The following HLA-B variants were observed in gnomAD, a reference collection of about 807,000 sequenced individuals.
The protein encoded by HLA-B is major histocompatibility complex, class I, B, also known as HLA class I antigen HLA-B.
Under a neutral mutation model 41.5 loss-of-function variants are expected in HLA-B, and 31 were observed. That is an observed-to-expected ratio of 0.75 (90% CI 0.56 to 1.01). HLA-B has a LOEUF of 1.01. Among genes scored for constraint, HLA-B ranks in the 50% least tolerant of loss-of-function variants. The pLI is 0.00. For synonymous variants in HLA-B, 138 were observed against 189.0 expected (o/e 0.73, Z 2.21); for missense variants, 369 against 457.2 (o/e 0.81, Z 1.76).
chr6:31,355,739 T>C (rs1232403763), intron 3 of HLA-B, 147 bp from the exon 4 acceptor site: 3 of 749,564 alleles, frequency 4.0e-6, no homozygotes, highest in Middle Eastern at 2.5e-4. Context: ...CGCAGGCACC[T>C]GGGATAATCT....
Position 31,354,646 on chromosome 6 carries a change from G to A in HLA-B, c.1032C>T (p.Tyr344=), listed in dbSNP as rs1766747807. 2 of 1,405,858 alleles carry A rather than the reference G, an allele frequency of 1.4e-6. No homozygotes were observed. The highest frequency in any genetic ancestry group is 4.2e-5 in the African/African-American group (2 of 48,090). The allele number at this position is 1,405,858 out of a possible 1,614,324, so 87.1% of individuals were successfully genotyped here. A position where few individuals can be genotyped will look rare whatever the true frequency, so the allele number is the denominator to read the frequency against. Residue 344 remains tyrosine, a synonymous_variant, in exon 6 of 8, where the codon TAC becomes TAT. Coordinates refer to ENST00000412585, the MANE Select transcript of HLA-B (RefSeq NM_005514.8). ...CCCACCACTTACACGCAGCCTGAGA[G>A]TAGCTCCCTCCTTTTCCACCTGTGG... The part of the protein sequence containing the change: ...RKSSGGKGGS[Y]SQAACSDSAQ...
intron 2 of HLA-B, 28 bp from the exon 3 acceptor site, chr6:31,356,470 T>TCCCCCGAGCCCCGCCCCAGCCCCCGTC: frequency 1.5e-6 from 1 of 682,850 alleles, no homozygotes. Context: ...GTCAGCCCAG[T>TCCCCCGAGCCCCGCCCCAGCCCCCGTC]CCCCCGAGCC....
chr6:31,356,773 C>T lies in HLA-B; in HGVS notation c.258G>A (p.Arg86=). The change falls in exon 2 of 8, where the codon CGG becomes CGA. Residue 86 remains arginine, a synonymous_variant. Transcript: ENST00000412585. ...CCTGGGCCTTGTAGATCTGTGTGTT[C>T]CGGTCCCAATACTCCGGCCCCTCCT... The part of the protein sequence containing the change: ...IEQEGPEYWD[R]NTQIYKAQAQ... 1.8e-6 allele frequency: 2 copies of T among 1,110,390 alleles called. 1 individual carries two copies. Among genetic ancestry groups the T allele is most frequent in the Non-Finnish European group, 2.4e-6 (2 of 838,300 alleles). 68.8% of individuals were successfully genotyped at this position (1,110,390 alleles called of 1,614,324 possible).
chr6:31,356,248 G>GTC lies in HLA-B; in HGVS notation c.537_538insGA (p.Arg180AspfsTer35), dbSNP rs200488894. On this transcript the variant is annotated frameshift_variant, in exon 3 of 8. Transcript: ENST00000412585. LOFTEE classifies it high-confidence loss of function. ...CACTCGCCCTCCAGGTAGGCTCTCCGCTGCTCCGCCTCACGGGCCGCCTCC... is the reference window on the plus strand; with the variant it reads ...CACTCGCCCTCCAGGTAGGCTCTCCGTCCTGCTCCGCCTCACGGGCCGCCTCC... 114,004 of 1,134,496 alleles carry GTC rather than the reference G, an allele frequency of 0.1. 12,045 individuals carry two copies. Among genetic ancestry groups the GTC allele is most frequent in the Non-Finnish European group, 0.11 (93,663 of 849,570 alleles). The allele number at this position is 1,134,496 out of a possible 1,614,324, so 70.3% of individuals were successfully genotyped here. A position where few individuals can be genotyped will look rare whatever the true frequency, so the allele number is the denominator to read the frequency against.
chr6:31,354,693 C>G (rs2442717), intron 5 of HLA-B, 28 bp from the exon 6 acceptor site: 806,519 of 1,033,636 alleles, frequency 0.78, 331,893 homozygotes, highest in South Asian at 0.93. Context: ...CCTGTGAGGG[C>G]ACTGGGAGGA....
intron 3 of HLA-B, 161 bp from the exon 4 acceptor site, chr6:31,355,753 A>G: frequency 2.8e-6 from 2 of 721,748 alleles, no homozygotes; most frequent in Non-Finnish European, 2.4e-6. Flanking sequence ...ATAATCTCCT[A>G]TTCATTGGAA....
Position 31,354,064 on chromosome 6 carries a change from C to T in HLA-B, c.*237G>A, listed in dbSNP as rs1307062218. ...AGACAGAGATGGAGACATCCAGCCC[C>T]ACCTCTCTGGAACAAGAAAGATGAC... On this transcript the variant is annotated 3_prime_UTR_variant, in exon 8 of 8. Coordinates refer to ENST00000412585, the MANE Select transcript of HLA-B (RefSeq NM_005514.8). 2.4e-5 allele frequency: 10 copies of T among 425,438 alleles called. No homozygotes were observed. Among genetic ancestry groups the T allele is most frequent in the African/African-American group, 1.8e-4 (9 of 49,208 alleles). The allele number at this position is 425,438 out of a possible 1,614,324, so 26.4% of individuals were successfully genotyped here. A position where few individuals can be genotyped will look rare whatever the true frequency, so the allele number is the denominator to read the frequency against.
intron 3 of HLA-B, chr6:31,355,959 T>C (rs41552112): frequency 2.3e-6 from 1 of 437,842 alleles, no homozygotes; most frequent in East Asian, 4.9e-5. Flanking sequence ...CTAGGGACTG[T>C]CTTCCCCTCC....
At position 31,354,106 on chromosome 6, in the gene HLA-B, G is replaced by A. The variant is rs1056429; in HGVS notation, c.*195C>T. 60,578 of 460,042 alleles carry A rather than the reference G, an allele frequency of 0.13. 4,654 individuals carry two copies. The highest frequency in any genetic ancestry group is 0.27 in the East Asian group (6,722 of 25,344). 28.5% of individuals were successfully genotyped at this position (460,042 alleles called of 1,614,324 possible). ...AAAGATGACTGGGGAGGAAACACAG[G>A]TCAGCATGGGAACAGGGGTCACAGT... On this transcript the variant is annotated 3_prime_UTR_variant, in exon 8 of 8. Transcript: ENST00000412585.
In HLA-B at chr6:31,354,191, C is replaced by T; in HGVS notation, c.*110G>A. ...CATTATGCTAACAGGGACGCAGACACATTCAGGTGCCTTTGCAGAAAGAGA... is the reference window on the plus strand; with the variant it reads ...CATTATGCTAACAGGGACGCAGACATATTCAGGTGCCTTTGCAGAAAGAGA... On this transcript the variant is annotated 3_prime_UTR_variant, in exon 8 of 8. Transcript: ENST00000412585. The T allele has an allele frequency of 6.7e-6, 4 of 593,926 alleles. No individual in the cohort carries two copies. The highest frequency in any genetic ancestry group is 4.9e-5 in the South Asian group (3 of 61,684). 36.8% of individuals were successfully genotyped at this position (593,926 alleles called of 1,614,324 possible).
chr6:31,356,785 C>A lies in HLA-B; in HGVS notation c.246G>T (p.Glu82Asp), dbSNP rs1050564. The A allele has an allele frequency of 8.8e-7, 1 of 1,135,508 alleles. No homozygotes were observed. Among genetic ancestry groups the A allele is most frequent in the Non-Finnish European group, 1.2e-6 (1 of 857,642 alleles). 70.3% of individuals were successfully genotyped at this position (1,135,508 alleles called of 1,614,324 possible). A position where few individuals can be genotyped will look rare whatever the true frequency, so the allele number is the denominator to read the frequency against. ...RAPWIEQEGP[E>D]YWDRNTQIYK... ...AGATCTGTGTGTTCCGGTCCCAATA[C>A]TCCGGCCCCTCCTGCTCTATCCACG... The change falls in exon 2 of 8, where the codon GAG (glutamate) becomes GAT (aspartate). Residue 82 changes from glutamate (E) to aspartate (D), a missense_variant. Transcript: ENST00000412585.
chr6:31,355,072 G>A, intron 5 of HLA-B, 35 bp downstream of exon 5: 2 of 796,304 alleles, frequency 2.5e-6, no homozygotes. Context: ...AGTGGGACAA[G>A]AAAACCCAGA....
In HLA-B at chr6:31,356,612, C is replaced by T. The variant is rs41543219; in HGVS notation, c.343+76G>A. 255 of 1,142,866 alleles carry T rather than the reference C, an allele frequency of 2.2e-4. 2 individuals carry two copies. In the Middle Eastern group the frequency reaches 3.2e-3, roughly 14 times the overall value. 70.8% of individuals were successfully genotyped at this position (1,142,866 alleles called of 1,614,324 possible). On this transcript the variant is annotated intron_variant, in intron 2 of 7. Coordinates refer to ENST00000412585, the MANE Select transcript of HLA-B (RefSeq NM_005514.8). ...GCCTCAGGGAGGCGGATCTCGGACC[C>T]GGAGACTCGGGGCGACCCGGGCCGT...
chr6:31,356,377 GC>G lies in HLA-B; in HGVS notation c.408del (p.His137MetfsTer14). ...TTGCCGTCGTAGGCGTACTGGTCAT[GC>G]CCGCGGAGGAGGCGCCCGTCCGGCC... ...DVGPDGRLLR[G>X]HDQYAYDGKD... On this transcript the variant is annotated frameshift_variant, in exon 3 of 8. Coordinates refer to ENST00000412585, the MANE Select transcript of HLA-B (RefSeq NM_005514.8). LOFTEE classifies it high-confidence loss of function. 1.1e-6 allele frequency: 1 copy of G among 932,514 alleles called. No individual in the cohort carries two copies. Among genetic ancestry groups the G allele is most frequent in the Non-Finnish European group, 1.4e-6 (1 of 703,572 alleles). 57.8% of individuals were successfully genotyped at this position (932,514 alleles called of 1,614,324 possible). A position where few individuals can be genotyped will look rare whatever the true frequency, so the allele number is the denominator to read the frequency against.
At chr6:31,356,468 A>C (rs5006140) in intron 2 of HLA-B, 26 bp from the exon 3 acceptor site, 202,492 of 505,396 alleles carry the variant, frequency 0.4, 85,132 homozygotes, top group South Asian at 0.79. Flanking sequence ...CGGTCAGCCC[A>C]GTCCCCCGAG....
In HLA-B at chr6:31,353,982, CA is replaced by C; in HGVS notation, c.*318del. 2.8e-6 allele frequency: 1 copy of C among 357,928 alleles called. No homozygotes were observed. The highest frequency in any genetic ancestry group is 3.7e-5 in the South Asian group (1 of 26,674). 22.2% of individuals were successfully genotyped at this position (357,928 alleles called of 1,614,324 possible). On this transcript the variant is annotated 3_prime_UTR_variant, in exon 8 of 8. Transcript: ENST00000412585. ...ATATTTGAGAAAACAAATTTATATT[CA>C]GATTCTTATTTTCAGTAGGGAAGTA... is the stretch of plus-strand genomic sequence containing the variant.
At chr6:31,355,064 TG>T (rs780063933) in intron 5 of HLA-B, 42 bp downstream of exon 5, 1 of 720,188 alleles carries the variant, frequency 1.4e-6, no homozygotes, top group South Asian at 2.2e-5. Context: ...AAACCCCCAG[TG>T]GGACAAGAAA....
Position 31,354,272 on chromosome 6 carries a change from T to C in HLA-B, c.*29A>G. The C allele has an allele frequency of 3.1e-6, 2 of 636,804 alleles. No individual in the cohort carries two copies. Among genetic ancestry groups the C allele is most frequent in the Non-Finnish European group, 5.9e-6 (2 of 338,644 alleles). The allele number at this position is 636,804 out of a possible 1,614,324, so 39.4% of individuals were successfully genotyped here. On this transcript the variant is annotated 3_prime_UTR_variant, in exon 8 of 8. Coordinates refer to ENST00000412585, the MANE Select transcript of HLA-B (RefSeq NM_005514.8). ...GGCGTGAAGAAATCCTGCATCTCAGTCCCTCACAAGACAGCTGTCTCAGGC... is the reference window on the plus strand; with the variant it reads ...GGCGTGAAGAAATCCTGCATCTCAGCCCCTCACAAGACAGCTGTCTCAGGC...
In HLA-B at chr6:31,354,377, A is replaced by T. The variant is rs151341420; in HGVS notation, c.*5-81T>A. On this transcript the variant is annotated intron_variant, in intron 7 of 7. Coordinates refer to ENST00000412585, the MANE Select transcript of HLA-B (RefSeq NM_005514.8). ...CTCTAAACAGCCCACCACACACGCGAAACATCCCAATCAAAGAATCCCCAT... is the reference window on the plus strand; with the variant it reads ...CTCTAAACAGCCCACCACACACGCGTAACATCCCAATCAAAGAATCCCCAT... 154 of 460,288 alleles carry T rather than the reference A, an allele frequency of 3.3e-4. 4 individuals are homozygous for T. The East Asian group carries it at 6.9e-3, about 20-fold the overall frequency. The allele number at this position is 460,288 out of a possible 1,614,324, so 28.5% of individuals were successfully genotyped here.
Sources: gnomAD v4.1 joint callset for allele counts on GRCh38, gnomAD v4.1.1 for gene constraint, MANE v1.5 for transcripts, NCBI Gene and HGNC (gene_info 2026-07-23, HGNC 2026-07-21) for gene names.